PTK2B: variants seen among roughly 807,000 people sequenced by gnomAD.
PTK2B encodes protein-tyrosine kinase 2-beta.
A neutral mutation model predicts 142.9 loss-of-function variants in PTK2B; 71 were observed. The ratio of observed to expected loss-of-function variants is 0.50; its 90% CI spans 0.41 to 0.61. PTK2B has a LOEUF of 0.61. PTK2B is among the 20% of genes least tolerant of loss of function. The pLI is 0.00. For missense variants in PTK2B, 1,105 were observed against 1,320.4 expected (o/e 0.84, Z 2.53); for synonymous variants, 519 against 503.4 (o/e 1.03, Z -0.42).
chr8:27,342,364 T>A (rs6997075), intron 1 of PTK2B, among the ~76,000 whole-genome samples: 7 of 151,224 alleles, frequency 4.6e-5, no homozygotes, highest in Admixed American at 2.6e-4. Context: ...ATAGCTCACT[T>A]CAGTCTCAAC....
chr8:27,408,212 C>A (rs78083725), intron 2 of PTK2B, among the ~76,000 whole-genome samples: 1,799 of 152,294 alleles, frequency 0.012, 38 homozygotes, highest in African/African-American at 0.041. Flanking sequence ...TCTTTTCCCC[C>A]ACAGAAATCC....
intron 3 of PTK2B, among the ~76,000 whole-genome samples, chr8:27,319,995 C>T (rs1470796373): frequency 6.6e-6 from 1 of 152,164 alleles, no homozygotes; most frequent in Non-Finnish European, 1.5e-5. Context: ...GGTGAGACAG[C>T]CGGGTGGGAA....
At chr8:27,399,344 G>A (rs1173466099) in intron 2 of PTK2B, among the ~76,000 whole-genome samples, 4 of 152,188 alleles carry the variant, frequency 2.6e-5, no homozygotes, top group Non-Finnish European at 4.4e-5. Flanking sequence ...CCAAGAGTGG[G>A]GAACAGCATG....
intron 1 of PTK2B, among the ~76,000 whole-genome samples, chr8:27,383,913 A>T (rs892387686): frequency 1.2e-4 from 18 of 145,738 alleles, no homozygotes; most frequent in African/African-American, 4.0e-4. Context: ...CAATGGTGTG[A>T]TCTCGGCTCA....
intron 2 of PTK2B, among the ~76,000 whole-genome samples, chr8:27,404,352 C>T (rs977865412): frequency 7.2e-5 from 11 of 152,138 alleles, no homozygotes; most frequent in Non-Finnish European, 2.9e-5. Context: ...TCAGAGGTGC[C>T]GATGGAGTCC....
chr8:27,405,899 G>A (rs1449752427), intron 2 of PTK2B, among the ~76,000 whole-genome samples: 1 of 152,226 alleles, frequency 6.6e-6, no homozygotes, highest in African/African-American at 2.4e-5. Flanking sequence ...TCCCTTACAT[G>A]TGTTGCAAAC....
At chr8:27,339,065 A>G (rs1804239741) in intron 1 of PTK2B, among the ~76,000 whole-genome samples, 1 of 152,238 alleles carries the variant, frequency 6.6e-6, no homozygotes, top group Non-Finnish European at 1.5e-5. Flanking sequence ...GATTAGAAAC[A>G]AGACACTGTA....
chr8:27,322,659 T>C (rs1803245735), upstream of PTK2B: 1 of 152,212 alleles, frequency 6.6e-6, no homozygotes, highest in Non-Finnish European at 1.5e-5. Flanking sequence ...ATTTTTCTAC[T>C]TTTCTAGATT....
rs780356691 is a variant in PTK2B at position 27,454,608 on chromosome 8, A to G, written c.2811A>G (p.Thr937=). 1.9e-5 allele frequency: 30 copies of G among 1,613,874 alleles called. No individual in the cohort carries two copies. Among genetic ancestry groups the G allele is most frequent in the Admixed American group, 1.0e-4 (6 of 59,994 alleles). The change falls in exon 30 of 31, where the codon ACA becomes ACG. Residue 937 remains threonine, a synonymous_variant. Transcript: ENST00000346049. ...CTTCCTTGCCGTCATCTTCACGGAC[A>G]GAGGTGAGCGTCCCATTCCAGACAG... ...LLPSLPSSSR[T]EIEGTQKLLN...
rs968732651 is a variant in PTK2B at position 27,459,188 on chromosome 8, G to A, written c.*679G>A. The A allele has an allele frequency of 1.3e-5, 3 of 234,878 alleles. No homozygotes were observed. Among genetic ancestry groups the A allele is most frequent in the Admixed American group, 5.5e-5 (1 of 18,174 alleles). The allele number at this position is 234,878 out of a possible 1,614,324, so 14.5% of individuals were successfully genotyped here. On this transcript the variant is annotated 3_prime_UTR_variant, in exon 31 of 31. Transcript: ENST00000346049. Reference sequence around the variant, plus strand: ...GAGATGCGGCCAAGATAGGACCTTGGGCCAAATCCGCTCTCTTCCTGCCCC... The same window carrying A: ...GAGATGCGGCCAAGATAGGACCTTGAGCCAAATCCGCTCTCTTCCTGCCCC...
At chr8:27,368,447 C>T (rs1181285728) in intron 1 of PTK2B, among the ~76,000 whole-genome samples, 1 of 152,188 alleles carries the variant, frequency 6.6e-6, no homozygotes, top group Non-Finnish European at 1.5e-5. Flanking sequence ...ACTCCCTCAC[C>T]TTGCCCACTG....
intron 2 of PTK2B, among the ~76,000 whole-genome samples, chr8:27,406,648 A>G (rs1808731686): frequency 6.6e-6 from 1 of 152,054 alleles, no homozygotes; most frequent in Non-Finnish European, 1.5e-5. Context: ...CATGGTTCTC[A>G]CGATGATTGG....
chr8:27,419,827 C>A (rs941982987), intron 2 of PTK2B, 68 bp from the exon 3 acceptor site: 2 of 1,537,436 alleles, frequency 1.3e-6, no homozygotes, highest in Admixed American at 1.8e-5. Context: ...CTTTTCAGGT[C>A]TGTGTGAGAA....
Position 27,422,379 on chromosome 8 carries a change from C to T in PTK2B, c.547C>T (p.Leu183Phe). Residue 183 changes from leucine to phenylalanine, a missense_variant, in exon 5 of 31, where the codon CTC becomes TTC. Leu to Phe is a conservative substitution (Grantham distance 22). Transcript: ENST00000346049. ...GMALQLGCLELRRFFKDMPHN... is the reference protein window; with the variant it reads ...GMALQLGCLEFRRFFKDMPHN... ...GGCCCTGCAGCTGGGCTGCCTGGAGCTCAGGTATGTGGCCCTGAGGCCTCT... is the reference window on the plus strand; with the variant it reads ...GGCCCTGCAGCTGGGCTGCCTGGAGTTCAGGTATGTGGCCCTGAGGCCTCT... The T allele has an allele frequency of 6.2e-7, 1 of 1,611,992 alleles. No homozygotes were observed. The highest frequency in any genetic ancestry group is 8.5e-7 in the Non-Finnish European group (1 of 1,178,828).
intron 5 of PTK2B, among the ~76,000 whole-genome samples, chr8:27,427,137 C>T (rs904637758): frequency 6.6e-6 from 1 of 152,114 alleles, no homozygotes; most frequent in Non-Finnish European, 1.5e-5. Flanking sequence ...GTAGTAAACT[C>T]TTCTATCTTC....
chr8:27,433,250 C>T (rs542967866), intron 10 of PTK2B, 185 bp from the exon 11 acceptor site: 15 of 588,572 alleles, frequency 2.5e-5, no homozygotes, highest in Non-Finnish European at 4.6e-5. Context: ...AGAGCATGGG[C>T]GTACAGGTGA....
Position 27,436,241 on chromosome 8 carries a change from G to C in PTK2B, c.1244-10G>C, listed in dbSNP as rs780121679. 24 of 1,613,592 alleles carry C rather than the reference G, an allele frequency of 1.5e-5. No homozygotes were observed. The highest frequency in any genetic ancestry group is 9.3e-6 in the Non-Finnish European group (11 of 1,179,590). On this transcript the variant is annotated splice_polypyrimidine_tract_variant and intron_variant, in intron 14 of 30. Coordinates refer to ENST00000346049, the MANE Select transcript of PTK2B (RefSeq NM_173176.3). ...TCTGTGATCTGCGACTGTTTTCTCT[G>C]TCTGTGCAGGTCCACAGTATGGCAT...
intron 1 of PTK2B, among the ~76,000 whole-genome samples, chr8:27,395,425 C>G (rs1399029083): frequency 1.3e-5 from 2 of 152,124 alleles, no homozygotes; most frequent in African/African-American, 2.4e-5. Flanking sequence ...GTATATTTGC[C>G]TGTTGTCTCT....
At chr8:27,439,184 A>C in intron 19 of PTK2B, 53 bp downstream of exon 19, 1 of 1,580,364 alleles carries the variant, frequency 6.3e-7, no homozygotes, top group Non-Finnish European at 8.7e-7. Flanking sequence ...GCTGAAGCCA[A>C]AAATTCCAGA....
Sources: allele counts gnomAD v4.1 joint callset (sites outside exome capture counted in the v4.1 genomes callset), GRCh38; gene constraint gnomAD v4.1.1; transcripts MANE v1.5; gene names NCBI Gene and HGNC (gene_info 2026-07-23, HGNC 2026-07-21).